Variants in HDAC9 observed in about 807,000 individuals in gnomAD.
The protein encoded by HDAC9 is histone deacetylase 9.
Under a neutral mutation model 139.4 loss-of-function variants are expected in HDAC9, and 41 were observed. That is an observed-to-expected ratio of 0.29 (90% CI 0.23 to 0.38). The LOEUF (loss-of-function observed/expected upper bound fraction) is 0.38. Among genes scored for constraint, HDAC9 ranks in the 10% least tolerant of loss-of-function variants. The probability of loss-of-function intolerance (pLI) is 1.00; values close to 1 mark genes in which losing one functional copy is unlikely to be tolerated. For synonymous variants in HDAC9, 517 were observed against 476.2 expected (o/e 1.09, Z -1.12); for missense variants, 1,147 against 1,297.0 (o/e 0.88, Z 1.78).
At chr7:18,362,748 T>G (rs553128403) in intron 1 of HDAC9, among the ~76,000 whole-genome samples, 1 of 152,304 alleles carries the variant, frequency 6.6e-6, no homozygotes, top group East Asian at 1.9e-4. Context: ...TTTCATATAC[T>G]GGCTTTCATG....
At chr7:18,332,586 G>A (rs944912737) in intron 1 of HDAC9, among the ~76,000 whole-genome samples, 1 of 151,538 alleles carries the variant, frequency 6.6e-6, no homozygotes, top group African/African-American at 2.4e-5. Context: ...TAAAAAAAAT[G>A]TTTTGCACCT....
intron 9 of HDAC9, among the ~76,000 whole-genome samples, chr7:18,647,336 G>A (rs765361776): frequency 3.3e-5 from 5 of 151,976 alleles, no homozygotes; most frequent in South Asian, 2.1e-4. Context: ...TGTATACATC[G>A]TAGAGTGACT....
chr7:18,155,270 T>C (rs915111656), intron 1 of HDAC9, among the ~76,000 whole-genome samples: 1 of 152,030 alleles, frequency 6.6e-6, no homozygotes, highest in African/African-American at 2.4e-5. Flanking sequence ...CCAATAAAAA[T>C]CAGTGCAGTA....
chr7:18,435,957 A>G (rs1480712635), intron 1 of HDAC9, among the ~76,000 whole-genome samples: 6 of 149,072 alleles, frequency 4.0e-5, no homozygotes, highest in African/African-American at 1.5e-4. Flanking sequence ...ATATATATAT[A>G]AAGTATACAT....
chr7:18,922,489 T>C (rs978370531), intron 22 of HDAC9, among the ~76,000 whole-genome samples: 2 of 152,004 alleles, frequency 1.3e-5, no homozygotes, highest in Non-Finnish European at 2.9e-5. Context: ...AGGACCTCAG[T>C]GGAAAAACTC....
intron 1 of HDAC9, among the ~76,000 whole-genome samples, chr7:18,478,074 A>G (rs1586178408): frequency 6.6e-6 from 1 of 151,890 alleles, no homozygotes; most frequent in African/African-American, 2.4e-5. Context: ...AAACAAAAAA[A>G]ACTTTTTTTT....
intron 12 of HDAC9, among the ~76,000 whole-genome samples, chr7:18,670,300 G>A (rs1001443568): frequency 6.6e-6 from 1 of 151,942 alleles, no homozygotes; most frequent in Non-Finnish European, 1.5e-5. Context: ...GGCAATCAAA[G>A]AATTTGAGCA....
intron 2 of HDAC9, among the ~76,000 whole-genome samples, chr7:18,207,777 C>T (rs541303094): frequency 2.6e-5 from 4 of 151,854 alleles, no homozygotes; most frequent in South Asian, 2.1e-4. Context: ...TGCAATGGCG[C>T]GATCTCGGCT....
chr7:18,288,536 T>C (rs1055003286), upstream of HDAC9, among the ~76,000 whole-genome samples: 4 of 152,188 alleles, frequency 2.6e-5, no homozygotes, highest in African/African-American at 9.7e-5. Flanking sequence ...TTGTTGGTAG[T>C]AGGGCAGGCA....
chr7:18,706,160 C>CTTTTTTTTTTTTTTTT (rs1165670432), intron 12 of HDAC9, among the ~76,000 whole-genome samples: 22 of 86,762 alleles, frequency 2.5e-4, no homozygotes, highest in East Asian at 7.4e-4. Context: ...GAAAGTTTTC[C>CTTTTTTTTTTTTTTTT]TTTTTTTTTT....
chr7:18,787,724 A>G (rs1172400558), intron 16 of HDAC9, among the ~76,000 whole-genome samples: 1 of 152,204 alleles, frequency 6.6e-6, no homozygotes, highest in Non-Finnish European at 1.5e-5. Flanking sequence ...CTAGATTTTT[A>G]TCCCTGCCAT....
At chr7:18,393,094 G>T (rs767432566) in intron 1 of HDAC9, among the ~76,000 whole-genome samples, 1 of 150,264 alleles carries the variant, frequency 6.7e-6, no homozygotes, top group Non-Finnish European at 1.5e-5. Flanking sequence ...CAAAAAAATT[G>T]CTGATGATTT....
Position 19,001,082 on chromosome 7 carries a change from T to C in HDAC9, c.*5020T>C, listed in dbSNP as rs929890281. Reference sequence around the variant, plus strand: ...TGGACTTGGCAGTTTGTTTTACTAATGCAGAATTATTCTTTTTGTTTCAAA... The same window carrying C: ...TGGACTTGGCAGTTTGTTTTACTAACGCAGAATTATTCTTTTTGTTTCAAA... On this transcript the variant is annotated 3_prime_UTR_variant, in exon 26 of 26. Coordinates refer to ENST00000686413, the MANE Select transcript of HDAC9 (RefSeq NM_178425.4). 2.6e-5 allele frequency: 4 copies of C among 152,226 alleles called. No homozygotes were observed. The highest frequency in any genetic ancestry group is 2.1e-4 in the South Asian group (1 of 4,834). The allele number at this position is 152,226 out of a possible 1,614,324, so 9.4% of individuals were successfully genotyped here.
chr7:18,520,050 G>T (rs1304426206), intron 2 of HDAC9, among the ~76,000 whole-genome samples: 1 of 151,944 alleles, frequency 6.6e-6, no homozygotes, highest in African/African-American at 2.4e-5. Context: ...TGTAGTAGGA[G>T]CAGAAAAGTA....
intron 2 of HDAC9, among the ~76,000 whole-genome samples, chr7:18,577,269 T>C (rs1249415053): frequency 6.6e-6 from 1 of 152,182 alleles, no homozygotes; most frequent in Non-Finnish European, 1.5e-5. Flanking sequence ...TTTCTGACCT[T>C]TCATTCCACC....
At position 18,843,179 on chromosome 7, in the gene HDAC9, GTTCT is replaced by G. The variant is rs368877977; in HGVS notation, c.2684+7187_2684+7190del. 3.4e-3 allele frequency among the ~76,000 whole-genome samples: 513 copies of G among 152,190 alleles called. 3 individuals carry two copies. The highest frequency in any genetic ancestry group is 0.028 in the South Asian group (133 of 4,830). On this transcript the variant is annotated intron_variant, in intron 21 of 25. Coordinates refer to ENST00000686413, the MANE Select transcript of HDAC9 (RefSeq NM_178425.4). ...CTATGTTTAATTCTTTTCTCTAGAA[GTTCT>G]TTCTAAGAAAAAGGTAATTTGTATG...
intron 21 of HDAC9, among the ~76,000 whole-genome samples, chr7:18,873,726 TGTTA>T (rs1799104053): frequency 6.6e-6 from 1 of 152,156 alleles, no homozygotes; most frequent in African/African-American, 2.4e-5. Flanking sequence ...TTCAAGCCTA[TGTTA>T]AAAATTTTAT....
chr7:18,874,177 A>G (rs1183638767), intron 21 of HDAC9, among the ~76,000 whole-genome samples: 1 of 152,018 alleles, frequency 6.6e-6, no homozygotes, highest in African/African-American at 2.4e-5. Flanking sequence ...GCAGTGGGAT[A>G]AAACAGCCAC....
rs565484904 is a variant in HDAC9, at chr7:18,388,507, T to C, written c.-42+97992T>C. Among the ~76,000 whole-genome samples the C allele has an allele frequency of 3.9e-5, 6 of 152,382 alleles. No individual in the cohort carries two copies. The South Asian group carries it at 1.0e-3, about 26-fold the overall frequency. On this transcript the variant is annotated intron_variant, in intron 1 of 3. Coordinates refer to the HDAC9 transcript ENST00000413509. ...AAATTTTAATCAGAGAGTTTGCTTT[T>C]TTAAACCATAGACTTGTAGTTTCTT...
Sources: gnomAD v4.1 joint callset for allele counts (sites outside exome capture counted in the v4.1 genomes callset) on GRCh38, gnomAD v4.1.1 for gene constraint, MANE v1.5 for transcripts, NCBI Gene and HGNC (gene_info 2026-07-23, HGNC 2026-07-21) for gene names.